The following ARL13B variants were observed in gnomAD, a reference collection of about 807,000 sequenced individuals.
ARL13B encodes ADP-ribosylation factor-like protein 13B.
A neutral mutation model predicts 56.1 loss-of-function variants in ARL13B; 36 were observed. That is an observed-to-expected ratio of 0.64 (90% CI 0.49 to 0.85). ARL13B has a LOEUF of 0.85. Among genes scored for constraint, ARL13B ranks in the 40% least tolerant of loss-of-function variants. ARL13B has a pLI of 0.00. For missense variants in ARL13B, 519 were observed against 507.1 expected (o/e 1.02, Z -0.23); for synonymous variants, 178 against 171.1 (o/e 1.04, Z -0.32).
intron 1 of ARL13B, among the ~76,000 whole-genome samples, chr3:93,993,472 G>C (rs1304101660): frequency 6.6e-6 from 1 of 152,116 alleles, no homozygotes; most frequent in Non-Finnish European, 1.5e-5. Flanking sequence ...CCAGGCTTCA[G>C]TGCAGTGACA....
rs945530173 is a variant in ARL13B at position 93,980,230 on chromosome 3, A to G, written c.-194A>G. 2.8e-6 allele frequency: 2 copies of G among 727,092 alleles called. No homozygotes were observed. The highest frequency in any genetic ancestry group is 4.9e-6 in the Non-Finnish European group (2 of 408,846). The allele number at this position is 727,092 out of a possible 1,614,324, so 45.0% of individuals were successfully genotyped here. A position where few individuals can be genotyped will look rare whatever the true frequency, so the allele number is the denominator to read the frequency against. On this transcript the variant is annotated 5_prime_UTR_variant, in exon 1 of 10. Coordinates refer to ENST00000394222, the MANE Select transcript of ARL13B (RefSeq NM_001174150.2). ...TTGGTCAGGTTGTTCCTTGGCTAAG[A>G]GGGCAGTCGTCGCGGACCCACGCGG... is the stretch of plus-strand genomic sequence containing the variant.
intron 3 of ARL13B, among the ~76,000 whole-genome samples, chr3:94,034,679 T>A (rs1191352890): frequency 6.6e-6 from 1 of 152,142 alleles, no homozygotes; most frequent in Admixed American, 6.6e-5. Context: ...ACAGTTTGTA[T>A]TTTAAGAAGA....
In ARL13B at chr3:93,980,333, C is replaced by T. The variant is rs1170120456; in HGVS notation, c.-91C>T. The T allele has an allele frequency of 9.9e-6, 15 of 1,511,202 alleles. No individual in the cohort carries two copies. The highest frequency in any genetic ancestry group is 2.7e-5 in the African/African-American group (2 of 73,042). The allele number at this position is 1,511,202 out of a possible 1,614,324, so 93.6% of individuals were successfully genotyped here. The stretch of plus-strand genomic sequence containing the variant: ...CCTCCCGACTTATCCACTTTAGGGG[C>T]GTCTCGGAGTGCCGGAGGCCCCCGG... On this transcript the variant is annotated 5_prime_UTR_variant, in exon 1 of 10. Coordinates refer to ENST00000394222, the MANE Select transcript of ARL13B (RefSeq NM_001174150.2).
Position 94,039,917 on chromosome 3 carries a change from A to G in ARL13B, c.727A>G (p.Thr243Ala). The change falls in exon 6 of 10, where the codon ACC (threonine) becomes GCC (alanine). Residue 243 changes from threonine (T) to alanine (A), a missense_variant. Physicochemically the swap from Thr to Ala is moderately conservative, Grantham distance 58 (BLOSUM62 0). Transcript: ENST00000394222. ...ACAGGAGCAGGCTGAACTCGATGGA[A>G]CCAGTGGTCTGGCTGAGTTGGACCC... ...NEQEQAELDG[T>A]SGLAELDPEP... 1 of 1,614,136 alleles carries G rather than the reference A, an allele frequency of 6.2e-7. No individual in the cohort carries two copies. The highest frequency in any genetic ancestry group is 8.5e-7 in the Non-Finnish European group (1 of 1,180,008).
At chr3:93,981,886 A>AAAAAAAAAAAAAAAAAAAAAAAAAAAAAG (rs1710238000) in intron 1 of ARL13B, among the ~76,000 whole-genome samples, 1 of 147,214 alleles carries the variant, frequency 6.8e-6, no homozygotes, top group African/African-American at 2.6e-5. Context: ...AAAAAAAAAA[A>AAAAAAAAAAAAAAAAAAAAAAAAAAAAAG]AAAGAAAAAA....
chr3:94,044,381 C>T (rs150167773), intron 7 of ARL13B, among the ~76,000 whole-genome samples: 2,031 of 145,292 alleles, frequency 0.014, 50 homozygotes, highest in African/African-American at 0.05. Flanking sequence ...TCTGCCCAGC[C>T]GCCACCCCAT....
intron 3 of ARL13B, among the ~76,000 whole-genome samples, chr3:94,024,259 G>A (rs913058336): frequency 6.6e-6 from 1 of 152,180 alleles, no homozygotes; most frequent in Non-Finnish European, 1.5e-5. Context: ...TATAGCTGAA[G>A]TGCTAGTTGC....
At chr3:94,003,400 A>T (rs1224270603) in intron 2 of ARL13B, among the ~76,000 whole-genome samples, 2 of 152,154 alleles carry the variant, frequency 1.3e-5, no homozygotes, top group Non-Finnish European at 2.9e-5. Flanking sequence ...TCATTTATTA[A>T]TTCAACAGAT....
At chr3:94,007,666 A>T (rs2076156913) in intron 3 of ARL13B, among the ~76,000 whole-genome samples, 1 of 152,178 alleles carries the variant, frequency 6.6e-6, no homozygotes, top group African/African-American at 2.4e-5. Flanking sequence ...TGCCCCCATG[A>T]TTGAAATCAT....
At chr3:94,006,274 C>T (rs780680809) in intron 3 of ARL13B, among the ~76,000 whole-genome samples, 2 of 151,966 alleles carry the variant, frequency 1.3e-5, no homozygotes, top group Non-Finnish European at 2.9e-5. Flanking sequence ...CCAGCCTGGG[C>T]GACAGAGCAA....
intron 3 of ARL13B, among the ~76,000 whole-genome samples, chr3:94,020,203 T>C (rs566034421): frequency 1.3e-5 from 2 of 152,170 alleles, no homozygotes; most frequent in Non-Finnish European, 2.9e-5. Flanking sequence ...TGATGAGTCT[T>C]ATATTTACTT....
At chr3:93,988,237 T>TG (rs1344825043) in intron 1 of ARL13B, among the ~76,000 whole-genome samples, 1 of 146,066 alleles carries the variant, frequency 6.8e-6, no homozygotes, top group Non-Finnish European at 1.5e-5. Context: ...AACAATTCTG[T>TG]GAAAAAAAAA....
chr3:94,040,880 G>T (rs182197407), intron 6 of ARL13B, among the ~76,000 whole-genome samples: 5 of 152,130 alleles, frequency 3.3e-5, no homozygotes, highest in African/African-American at 1.2e-4. Flanking sequence ...GGTATAAATT[G>T]TGTAGAAGGC....
chr3:94,006,165 C>T (rs1043469365), intron 3 of ARL13B, among the ~76,000 whole-genome samples: 2 of 151,896 alleles, frequency 1.3e-5, no homozygotes, highest in Middle Eastern at 3.2e-3. Flanking sequence ...GCCGGGCATG[C>T]GCGCCTGTAG....
At chr3:94,041,197 A>G (rs975691369) in intron 6 of ARL13B, among the ~76,000 whole-genome samples, 4 of 152,082 alleles carry the variant, frequency 2.6e-5, no homozygotes, top group African/African-American at 9.7e-5. Flanking sequence ...GATAATTAAA[A>G]TGGTGAGATA....
intron 3 of ARL13B, among the ~76,000 whole-genome samples, chr3:94,034,906 G>C (rs2076739634): frequency 6.6e-6 from 1 of 152,170 alleles, no homozygotes; most frequent in African/African-American, 2.4e-5. Flanking sequence ...ATACTAGTGT[G>C]TTCTGTAATC....
At chr3:93,996,011 A>G in intron 2 of ARL13B, 67 bp downstream of exon 2, 3 of 1,488,796 alleles carry the variant, frequency 2.0e-6, no homozygotes, top group Non-Finnish European at 2.8e-6. Flanking sequence ...TATTTTGTTA[A>G]GTTGCTTTAT....
In ARL13B at chr3:94,003,664, C is replaced by T; in HGVS notation, c.136C>T (p.Pro46Ser). 6.2e-7 allele frequency: 1 copy of T among 1,612,510 alleles called. No individual in the cohort carries two copies. The highest frequency in any genetic ancestry group is 8.5e-7 in the Non-Finnish European group (1 of 1,179,178). The change falls in exon 3 of 10, where the codon CCT (proline) becomes TCT (serine). Residue 46 changes from proline (P) to serine (S), a missense_variant. Pro to Ser is a moderately conservative substitution (Grantham distance 74). Transcript: ENST00000394222. The stretch of plus-strand genomic sequence containing the variant: ...TTGTGTATCATTTGTAACAGAATAC[C>T]CTGAAGATGTAGCTCCTACTGTTGG... Reference protein sequence around the residue: ...ATAKGIQGEYPEDVAPTVGFS... With the variant: ...ATAKGIQGEYSEDVAPTVGFS...
At chr3:94,045,965 A>G (rs1417459852) in intron 7 of ARL13B, among the ~76,000 whole-genome samples, 2 of 146,618 alleles carry the variant, frequency 1.4e-5, no homozygotes, top group East Asian at 2.0e-4. Context: ...AAAAAAAAAA[A>G]AAGAAAAAAA....
Sources: gnomAD v4.1 joint callset for allele counts (sites outside exome capture counted in the v4.1 genomes callset) on GRCh38, gnomAD v4.1.1 for gene constraint, MANE v1.5 for transcripts, NCBI Gene and HGNC (gene_info 2026-07-23, HGNC 2026-07-21) for gene names.